RPS5: variants seen among roughly 807,000 people sequenced by gnomAD.
The protein encoded by RPS5 is ribosomal protein S5, also known as small ribosomal subunit protein uS7.
A neutral mutation model predicts 20.9 loss-of-function variants in RPS5; 2 were observed. That is an observed-to-expected ratio of 0.10 (90% CI 0.04 to 0.30). RPS5 has a LOEUF of 0.30. RPS5 is among the 10% of genes least tolerant of loss of function. RPS5 has a pLI of 1.00. For missense variants in RPS5, 122 were observed against 287.2 expected (o/e 0.42, Z 4.16); for synonymous variants, 112 against 105.8 (o/e 1.06, Z -0.36).
chr19:58,390,632 C>T (rs1482565294), intron 2 of RPS5, among the ~76,000 whole-genome samples: 5 of 151,994 alleles, frequency 3.3e-5, no homozygotes, highest in Non-Finnish European at 5.9e-5. Context: ...GACAGGGTTT[C>T]ACCATGTTGG....
rs796340133 is a variant in RPS5 at position 58,391,831 on chromosome 19, C to T, written c.109-1145C>T. On this transcript the variant is annotated intron_variant, in intron 2 of 5. Coordinates refer to ENST00000196551, the MANE Select transcript of RPS5 (RefSeq NM_001009.4). The stretch of plus-strand genomic sequence containing the variant: ...GTCCCAGCTACTCAGGAAGCTGAGG[C>T]AGGAGAATTGCTTGAACCTGGGAGG... Among the ~76,000 whole-genome samples the T allele has an allele frequency of 3.3e-5, 5 of 152,238 alleles. 1 individual carries two copies. The highest frequency in any genetic ancestry group is 1.2e-4 in the African/African-American group (5 of 41,560).
chr19:58,388,632 C>T lies in RPS5; in HGVS notation c.108+387C>T, dbSNP rs889671823. On this transcript the variant is annotated intron_variant, in intron 2 of 5. Coordinates refer to ENST00000196551, the MANE Select transcript of RPS5 (RefSeq NM_001009.4). ...GGCCACTTGTCATAAATCAGCTGGC[C>T]GTAGTTTTTTTTTTTTTTTTTTTTT... 10 of 296,712 alleles carry T rather than the reference C, an allele frequency of 3.4e-5. No individual in the cohort carries two copies. In the South Asian group the frequency reaches 9.3e-4, roughly 28 times the overall value. 18.4% of individuals were successfully genotyped at this position (296,712 alleles called of 1,614,324 possible). A position where few individuals can be genotyped will look rare whatever the true frequency, so the allele number is the denominator to read the frequency against.
chr19:58,391,700 C>G (rs560663832), intron 2 of RPS5, among the ~76,000 whole-genome samples: 32 of 151,864 alleles, frequency 2.1e-4, no homozygotes, highest in Non-Finnish European at 4.7e-4. Flanking sequence ...CTGAGGCGGA[C>G]GGATCACCTG....
intron 2 of RPS5, among the ~76,000 whole-genome samples, chr19:58,391,473 C>G (rs1014313268): frequency 6.8e-6 from 1 of 147,606 alleles, no homozygotes; most frequent in Non-Finnish European, 1.5e-5. Flanking sequence ...CATGGTGACG[C>G]ATGTCTGTAA....
intron 1 of RPS5, chr19:58,387,852 G>T (rs1053983285): frequency 4.4e-6 from 2 of 452,214 alleles, no homozygotes; most frequent in African/African-American, 2.0e-5. Context: ...GTGTGAGGAC[G>T]TATGGCATCT....
At chr19:58,387,832 A>C (rs1444036126) in intron 1 of RPS5, 2 of 376,380 alleles carry the variant, frequency 5.3e-6, no homozygotes, top group Non-Finnish European at 9.9e-6. Context: ...TTTGAATTAC[A>C]GCCCATGCAG....
chr19:58,391,298 G>A (rs1486195058), intron 2 of RPS5, among the ~76,000 whole-genome samples: 2 of 151,896 alleles, frequency 1.3e-5, no homozygotes, highest in Non-Finnish European at 2.9e-5. Context: ...CTTGCATGGT[G>A]GCGTGCACCT....
rs61279930 is a variant in RPS5 at position 58,390,426 on chromosome 19, CTTTTTTTTTTTT to C, written c.108+2199_108+2210del. On this transcript the variant is annotated intron_variant, in intron 2 of 5. Coordinates refer to ENST00000196551, the MANE Select transcript of RPS5 (RefSeq NM_001009.4). ...TTGTGGGCCACACTGGCCACTGTTA[CTTTTTTTTTTTT>C]TTTTTTTTTTTTTTTTTGAGATGGA... 6.3e-4 allele frequency among the ~76,000 whole-genome samples: 30 copies of C among 47,710 alleles called. 1 individual carries two copies. The highest frequency in any genetic ancestry group is 1.1e-3 in the Non-Finnish European group (28 of 24,642). 31.3% of individuals were successfully genotyped at this position (47,710 alleles called of 152,430 possible).
intron 1 of RPS5, 58 bp from the exon 2 acceptor site, chr19:58,388,079 C>T (rs2052338385): frequency 8.2e-7 from 1 of 1,216,340 alleles, no homozygotes; most frequent in Admixed American, 1.9e-5. Context: ...AATGAGTGCG[C>T]CTTTGCTCCA....
intron 2 of RPS5, among the ~76,000 whole-genome samples, chr19:58,389,982 C>T (rs925345497): frequency 2.6e-5 from 4 of 152,150 alleles, no homozygotes; most frequent in Non-Finnish European, 5.9e-5. Context: ...GCAACCTCTG[C>T]CTCCTGGGTT....
intron 3 of RPS5, 47 bp downstream of exon 3, chr19:58,393,232 C>T (rs757796615): frequency 6.2e-7 from 1 of 1,612,626 alleles, no homozygotes; most frequent in African/African-American, 1.3e-5. Context: ...CTCAGTACAC[C>T]CGAAAGCCCC....
chr19:58,388,636 G>T (rs376681674), intron 2 of RPS5: 352 of 209,618 alleles, frequency 1.7e-3, no homozygotes, highest in Middle Eastern at 2.7e-3. Flanking sequence ...GCTGGCCGTA[G>T]TTTTTTTTTT....
chr19:58,388,130 G>C lies in RPS5; in HGVS notation c.-1-7G>C. 1 of 1,606,058 alleles carries C rather than the reference G, an allele frequency of 6.2e-7. No homozygotes were observed. On this transcript the variant is annotated splice_polypyrimidine_tract_variant and splice_region_variant and intron_variant, in intron 1 of 5. Coordinates refer to ENST00000196551, the MANE Select transcript of RPS5 (RefSeq NM_001009.4). ...GACGTTTTTTTCCTGTCATCACCCT[G>C]TCCCAGGATGACCGAGTGGGAGACA...
intron 2 of RPS5, among the ~76,000 whole-genome samples, chr19:58,390,467 G>A (rs35838418): frequency 1.1e-5 from 1 of 90,538 alleles, no homozygotes; most frequent in African/African-American, 4.3e-5. Flanking sequence ...AGATGGAGTC[G>A]CTCTGTCACC....
intron 4 of RPS5, chr19:58,394,224 G>A (rs1315089649): frequency 1.2e-5 from 5 of 427,688 alleles, no homozygotes; most frequent in South Asian, 5.3e-5. Flanking sequence ...TGTTACAGGC[G>A]CAAGCCACCG....
chr19:58,392,101 C>T (rs1233464398), intron 2 of RPS5, among the ~76,000 whole-genome samples: 1 of 152,108 alleles, frequency 6.6e-6, no homozygotes, highest in Admixed American at 6.6e-5. Context: ...GCAGGCAGAT[C>T]ACTTGAGGTC....
intron 2 of RPS5, 30 bp from the exon 3 acceptor site, chr19:58,392,946 C>T: frequency 1.2e-6 from 2 of 1,606,406 alleles, no homozygotes; most frequent in Non-Finnish European, 1.7e-6. Flanking sequence ...TGACCATTTT[C>T]CCTTCATTTC....
chr19:58,394,344 T>C, intron 4 of RPS5, 153 bp from the exon 5 acceptor site: 1 of 644,408 alleles, frequency 1.6e-6, no homozygotes, highest in Non-Finnish European at 2.8e-6. Flanking sequence ...CTTGTGACCC[T>C]CTATCTGATT....
chr19:58,392,618 C>CAA lies in RPS5; in HGVS notation c.109-346_109-345dup, dbSNP rs112715872. On this transcript the variant is annotated intron_variant, in intron 2 of 5. Transcript: ENST00000196551. The stretch of plus-strand genomic sequence containing the variant: ...CCAGCCTGGGTGACAGTGAGAGACT[C>CAA]AAAAAAAAAAAAACTGAAGGGGTTG... Among the ~76,000 whole-genome samples, 619 of 133,248 alleles carry CAA rather than the reference C, an allele frequency of 4.6e-3. 3 individuals carry two copies. The highest frequency in any genetic ancestry group is 0.015 in the African/African-American group (579 of 37,556). The allele number at this position is 133,248 out of a possible 152,430, so 87.4% of individuals were successfully genotyped here.
Sources: gnomAD v4.1 joint callset for allele counts (sites outside exome capture counted in the v4.1 genomes callset) on GRCh38, gnomAD v4.1.1 for gene constraint, MANE v1.5 for transcripts, NCBI Gene and HGNC (gene_info 2026-07-23, HGNC 2026-07-21) for gene names.